WFS1: variants seen among roughly 807,000 people sequenced by gnomAD.
WFS1 encodes wolframin.
WFS1 carries 90 observed loss-of-function variants against 68.5 expected under a neutral mutation model. That is an observed-to-expected ratio of 1.31 (90% CI 1.11 to 1.56). The LOEUF (loss-of-function observed/expected upper bound fraction) is 1.56. Ranked by LOEUF, WFS1 falls within the 40% of genes most tolerant of loss-of-function variation. The pLI is 0.00. For missense variants in WFS1, 1,767 were observed against 1,232.6 expected (o/e 1.43, Z -6.49); for synonymous variants, 860 against 540.7 (o/e 1.59, Z -8.19).
intron 7 of WFS1, 88 bp downstream of exon 7, chr4:6,295,277 T>C (rs937225156): frequency 6.4e-7 from 1 of 1,552,408 alleles, no homozygotes; most frequent in African/African-American, 1.4e-5. Flanking sequence ...AAGCTGCAGG[T>C]GGGGAGGTTC....
chr4:6,295,490 C>T (rs1340366290), intron 7 of WFS1, among the ~76,000 whole-genome samples: 7 of 152,136 alleles, frequency 4.6e-5, no homozygotes, highest in Non-Finnish European at 1.0e-4. Flanking sequence ...GGCAGTGGGG[C>T]GGGCTGGACG....
rs998539254 is a variant in WFS1, at chr4:6,289,115, C to T, written c.444C>T (p.Cys148=). ...RREAVKLLRR[C]LADRRGITSE... ...AGGCTGTGAAGCTGCTTCGCCGGTG[C>T]TTGGCGGACAGAAGAGGTGGGTCTG... Residue 148 remains cysteine (C), a synonymous_variant, in exon 4 of 8, where the codon TGC becomes TGT. Transcript: ENST00000226760. 16 of 1,578,822 alleles carry T rather than the reference C, an allele frequency of 1.0e-5. No individual in the cohort carries two copies. The Admixed American group carries it at 1.1e-4, about 11-fold the overall frequency.
At position 6,287,968 on chromosome 4, in the gene WFS1, G is replaced by A. The variant is rs996100037; in HGVS notation, c.315+793G>A. Among the ~76,000 whole-genome samples the A allele has an allele frequency of 2.3e-4, 35 of 152,326 alleles. No homozygotes were observed. The highest frequency in any genetic ancestry group is 4.3e-4 in the Non-Finnish European group (29 of 68,040). ...GCGGTGGCTCACGCCTGTAATCCCAGCACTTTGGGAGGCTGAGGCGGGTGG... is the reference window on the plus strand; with the variant it reads ...GCGGTGGCTCACGCCTGTAATCCCAACACTTTGGGAGGCTGAGGCGGGTGG... On this transcript the variant is annotated intron_variant, in intron 3 of 7. Transcript: ENST00000226760. This position sits in a 1 kb window ranked among gnomAD's most constrained non-coding sequence, Gnocchi z 6.4.
intron 2 of WFS1, among the ~76,000 whole-genome samples, chr4:6,286,082 G>A (rs1730301336): frequency 6.6e-6 from 1 of 152,082 alleles, no homozygotes; most frequent in African/African-American, 2.4e-5. Flanking sequence ...CAGACCTGAT[G>A]GAGAGGAGGG....
rs1209281985 is a variant in WFS1 at position 6,277,365 on chromosome 4, C to T, written c.-5-86C>T. On this transcript the variant is annotated intron_variant, in intron 1 of 7. Transcript: ENST00000226760. ...TGTCTGGCAGCTCCCACCTGCCTCCCTCTGCTTTTCTGTCTCCAGCAGACA... is the reference window on the plus strand; with the variant it reads ...TGTCTGGCAGCTCCCACCTGCCTCCTTCTGCTTTTCTGTCTCCAGCAGACA... 6.7e-6 allele frequency: 9 copies of T among 1,334,802 alleles called. No homozygotes were observed. In the East Asian group the frequency reaches 2.3e-4, roughly 33 times the overall value. 82.7% of individuals were successfully genotyped at this position (1,334,802 alleles called of 1,614,324 possible).
chr4:6,299,840 G>A lies in WFS1; in HGVS notation c.862-817G>A, dbSNP rs187658782. On this transcript the variant is annotated intron_variant, in intron 7 of 7. Transcript: ENST00000226760. ...GTTGCGTGTGTGTGAATGTGTATAG[G>A]GGTGGGTTGTGTGAATGCGTGTGTG... is the stretch of plus-strand genomic sequence containing the variant. Among the ~76,000 whole-genome samples the A allele has an allele frequency of 5.9e-4, 85 of 144,226 alleles. 3 individuals carry two copies. The South Asian group carries it at 0.017, about 29-fold the overall frequency. 94.6% of individuals were successfully genotyped at this position (144,226 alleles called of 152,430 possible).
chr4:6,270,287 C>T (rs1356676563), intron 1 of WFS1, among the ~76,000 whole-genome samples: 1 of 151,558 alleles, frequency 6.6e-6, no homozygotes, highest in African/African-American at 2.4e-5. Flanking sequence ...GGAGCCCCGC[C>T]GCGGGCGGGA....
At chr4:6,300,400 G>A (rs1730835119) in intron 7 of WFS1, among the ~76,000 whole-genome samples, 1 of 152,148 alleles carries the variant, frequency 6.6e-6, no homozygotes, top group African/African-American at 2.4e-5. Context: ...TAGTCACGCT[G>A]GTAGAAGGTG....
In WFS1 at chr4:6,301,691, G is replaced by T. The variant is rs1057524890; in HGVS notation, c.1896G>T (p.Met632Ile). 7 of 1,613,982 alleles carry T rather than the reference G, an allele frequency of 4.3e-6. No individual in the cohort carries two copies. In the African/African-American group the frequency reaches 5.3e-5, roughly 12 times the overall value. Residue 632 changes from methionine to isoleucine, a missense_variant, in exon 8 of 8, where the codon ATG (methionine) becomes ATT (isoleucine). Physicochemically the swap from Met to Ile is conservative, Grantham distance 10 (BLOSUM62 1). Transcript: ENST00000226760. ...GMVKSLTRSS[M>I]VKLILVWLTA... Reference sequence around the variant, plus strand: ...TGAAGTCCCTGACGCGGAGCTCCATGGTCAAGCTCATCCTGGTGTGGCTCA... The same window carrying T: ...TGAAGTCCCTGACGCGGAGCTCCATTGTCAAGCTCATCCTGGTGTGGCTCA...
intron 6 of WFS1, among the ~76,000 whole-genome samples, chr4:6,294,284 T>C (rs1730561775): frequency 2.0e-5 from 3 of 151,996 alleles, no homozygotes; most frequent in African/African-American, 7.3e-5. Flanking sequence ...TAGGGGATCA[T>C]GTTGGATAGA....
intron 1 of WFS1, among the ~76,000 whole-genome samples, chr4:6,275,609 GGGT>G (rs1177157913): frequency 2.1e-4 from 26 of 123,276 alleles, no homozygotes; most frequent in South Asian, 1.7e-3. Context: ...TGGGGGGGGG[GGGT>G]GTGCTTGACC....
At chr4:6,277,322 G>T in intron 1 of WFS1, 129 bp from the exon 2 acceptor site, 4 of 900,370 alleles carry the variant, frequency 4.4e-6, no homozygotes, top group Non-Finnish European at 7.1e-6. Flanking sequence ...CTGAGTGTCA[G>T]CGAGATCCTG....
At chr4:6,288,835 C>T (rs1254470886) in intron 3 of WFS1, 152 bp from the exon 4 acceptor site, 21 of 1,172,544 alleles carry the variant, frequency 1.8e-5, no homozygotes, top group Non-Finnish European at 2.5e-5. Flanking sequence ...TAGGGCCTAG[C>T]CTAGTGGACA....
Position 6,301,275 on chromosome 4 carries a change from G to C in WFS1, c.1480G>C (p.Gly494Arg), listed in dbSNP as rs760692398. 6.2e-7 allele frequency: 1 copy of C among 1,611,326 alleles called. No homozygotes were observed. The change falls in exon 8 of 8, where the codon GGC becomes CGC. Residue 494 changes from glycine to arginine, a missense_variant. Gly to Arg is a moderately radical substitution (Grantham distance 125, BLOSUM62 -2). Transcript: ENST00000226760. ...LGQTFITVPV[G>R]HLVVLNVSVP... is the part of the protein sequence containing the mutation. Reference sequence around the variant, plus strand: ...CCAGACCTTCATCACCGTGCCTGTCGGCCACCTGGTCGTCCTCAACGTCAG... The same window carrying C: ...CCAGACCTTCATCACCGTGCCTGTCCGCCACCTGGTCGTCCTCAACGTCAG...
Position 6,283,777 on chromosome 4 carries a change from C to T in WFS1, c.233-3316C>T, listed in dbSNP as rs1376451726. ...AGGGGAGGGGGCAGTGCCACCCAGA[C>T]CATGAGGACTGAGAGTGGCGGGGTT... On this transcript the variant is annotated intron_variant, in intron 2 of 7. Transcript: ENST00000226760. This position sits in a 1 kb window ranked among gnomAD's most constrained non-coding sequence, Gnocchi z 5.0. Among the ~76,000 whole-genome samples, 3 of 152,090 alleles carry T rather than the reference C, an allele frequency of 2.0e-5. No individual in the cohort carries two copies. The highest frequency in any genetic ancestry group is 4.2e-4 in the South Asian group (2 of 4,810).
chr4:6,275,132 G>C (rs1225482758), intron 1 of WFS1, among the ~76,000 whole-genome samples: 3 of 152,222 alleles, frequency 2.0e-5, no homozygotes, highest in Admixed American at 6.5e-5. Context: ...GAAAAGACAA[G>C]TACAGAGAAC....
chr4:6,288,823 A>G lies in WFS1; in HGVS notation c.316-164A>G, dbSNP rs111852841. The G allele has an allele frequency of 9.7e-3, 10,260 of 1,055,936 alleles. 361 individuals carry two copies. The highest frequency in any genetic ancestry group is 0.091 in the African/African-American group (5,787 of 63,886). 65.4% of individuals were successfully genotyped at this position (1,055,936 alleles called of 1,614,324 possible). On this transcript the variant is annotated intron_variant, in intron 3 of 7. Coordinates refer to ENST00000226760, the MANE Select transcript of WFS1 (RefSeq NM_006005.3). ...TTGAGGAGCGAGTGGCCGGAGGCTCAGTAGGGCCTAGCCTAGTGGACATGC... is the reference window on the plus strand; with the variant it reads ...TTGAGGAGCGAGTGGCCGGAGGCTCGGTAGGGCCTAGCCTAGTGGACATGC...
intron 3 of WFS1, 184 bp from the exon 4 acceptor site, chr4:6,288,803 G>A (rs1730382639): frequency 2.4e-6 from 2 of 848,512 alleles, no homozygotes; most frequent in Non-Finnish European, 1.9e-6. Context: ...GTGTTTTGAG[G>A]AGCGAGTGGC....
At chr4:6,274,845 T>A (rs1335701423) in intron 1 of WFS1, among the ~76,000 whole-genome samples, 4 of 151,724 alleles carry the variant, frequency 2.6e-5, no homozygotes, top group African/African-American at 4.8e-5. Context: ...GCGGTCTGAT[T>A]TCAAAGTCGT....
Sources: gnomAD v4.1 joint callset for allele counts (sites outside exome capture counted in the v4.1 genomes callset) on GRCh38, gnomAD v4.1.1 for gene constraint, Gnocchi (gnomAD v3.1) non-coding constraint, MANE v1.5 for transcripts, NCBI Gene and HGNC (gene_info 2026-07-23, HGNC 2026-07-21) for gene names.